GCH1: variants seen among roughly 807,000 people sequenced by gnomAD.
The protein encoded by GCH1 is GTP cyclohydrolase I.
A neutral mutation model predicts 25.9 loss-of-function variants in GCH1; 5 were observed. The ratio of observed to expected loss-of-function variants is 0.19; its 90% CI spans 0.10 to 0.41. The LOEUF is 0.41. GCH1 is among the 10% of genes least tolerant of loss of function. The probability of loss-of-function intolerance (pLI) is 1.00; values close to 1 mark genes in which losing one functional copy is unlikely to be tolerated. For synonymous variants in GCH1, 159 were observed against 129.6 expected (o/e 1.23, Z -1.54); for missense variants, 261 against 336.5 (o/e 0.78, Z 1.75).
At chr14:54,862,140 T>C (rs2039905771) in intron 2 of GCH1, among the ~76,000 whole-genome samples, 1 of 152,094 alleles carries the variant, frequency 6.6e-6, no homozygotes, top group Non-Finnish European at 1.5e-5. Flanking sequence ...GCAATCTTCC[T>C]GCCTCAGACT....
chr14:54,892,800 C>T (rs754219494), intron 1 of GCH1, among the ~76,000 whole-genome samples: 5 of 152,164 alleles, frequency 3.3e-5, no homozygotes, highest in Admixed American at 1.3e-4. Context: ...TGTTTCCGGC[C>T]GGGTGCGGTG....
intron 1 of GCH1, among the ~76,000 whole-genome samples, chr14:54,878,889 C>T (rs2040201681): frequency 6.6e-6 from 1 of 152,186 alleles, no homozygotes; most frequent in Admixed American, 6.5e-5. Context: ...TTGGCCTCCC[C>T]AGTAGCTGGG....
chr14:54,865,284 C>G (rs1016856251), intron 2 of GCH1, 43 bp downstream of exon 2: 2 of 916,364 alleles, frequency 2.2e-6, no homozygotes, highest in Admixed American at 1.8e-5. Context: ...GAAAAACTTT[C>G]ACTATGTTTT....
intron 3 of GCH1, among the ~76,000 whole-genome samples, chr14:54,853,680 T>C (rs374343674): frequency 4.4e-4 from 67 of 152,324 alleles, no homozygotes; most frequent in Middle Eastern, 3.4e-3. Context: ...AGTACTTCTA[T>C]ACTAGCCTGA....
At chr14:54,863,533 A>G (rs532128148) in intron 2 of GCH1, among the ~76,000 whole-genome samples, 1 of 150,306 alleles carries the variant, frequency 6.7e-6, no homozygotes, top group Non-Finnish European at 1.5e-5. Flanking sequence ...AGGCAACAAT[A>G]CAAAGGTCCA....
rs375570607 is a variant in GCH1 at position 54,880,810 on chromosome 14, CATAT to C, written c.344-15378_344-15375del. ...ATACTCCATATATATATATATACTC[CATAT>C]ATATATATATATACTCCATATATAT... is the stretch of plus-strand genomic sequence containing the variant. On this transcript the variant is annotated intron_variant, in intron 1 of 5. Coordinates refer to ENST00000491895, the MANE Select transcript of GCH1 (RefSeq NM_000161.3). 1.0e-3 allele frequency among the ~76,000 whole-genome samples: 46 copies of C among 44,578 alleles called. 3 individuals are homozygous for C. The highest frequency in any genetic ancestry group is 2.7e-3 in the African/African-American group (19 of 7,080). 29.2% of individuals were successfully genotyped at this position (44,578 alleles called of 152,430 possible). A position where few individuals can be genotyped will look rare whatever the true frequency, so the allele number is the denominator to read the frequency against.
chr14:54,886,765 C>T (rs1028224182), intron 1 of GCH1, among the ~76,000 whole-genome samples: 2 of 152,152 alleles, frequency 1.3e-5, no homozygotes, highest in Non-Finnish European at 2.9e-5. Flanking sequence ...GACTCCAGAC[C>T]AGAGCCTTAA....
At chr14:54,899,566 A>G (rs2040533937) in intron 1 of GCH1, among the ~76,000 whole-genome samples, 1 of 151,898 alleles carries the variant, frequency 6.6e-6, no homozygotes, top group African/African-American at 2.4e-5. Flanking sequence ...TCTCCTGAGC[A>G]ACAACTATCC....
intron 3 of GCH1, among the ~76,000 whole-genome samples, chr14:54,858,139 T>TA (rs1035122602): frequency 2.6e-5 from 4 of 151,868 alleles, no homozygotes; most frequent in Non-Finnish European, 4.4e-5. Flanking sequence ...GAGTAGTTTT[T>TA]TTTTTACAGA....
chr14:54,897,985 G>C (rs527741794), intron 1 of GCH1, among the ~76,000 whole-genome samples: 5 of 152,274 alleles, frequency 3.3e-5, no homozygotes, highest in Non-Finnish European at 5.9e-5. Context: ...TACACACCTA[G>C]GCTACACGGT....
At chr14:54,901,242 C>T (rs1324697451) in intron 1 of GCH1, among the ~76,000 whole-genome samples, 1 of 152,094 alleles carries the variant, frequency 6.6e-6, no homozygotes, top group African/African-American at 2.4e-5. Context: ...CACTGTTTTT[C>T]TTTCAAAAAA....
At chr14:54,886,029 C>T in intron 1 of GCH1, 1 of 246,258 alleles carries the variant, frequency 4.1e-6, no homozygotes, top group South Asian at 5.2e-5. Flanking sequence ...CCAGCATCAT[C>T]AAACCCTAGT....
intron 4 of GCH1, among the ~76,000 whole-genome samples, chr14:54,846,527 G>GA (rs1342847283): frequency 6.6e-6 from 1 of 152,014 alleles, no homozygotes; most frequent in Non-Finnish European, 1.5e-5. Context: ...AAAAAGCAGG[G>GA]AAAAAAGCAA....
At chr14:54,899,091 C>T (rs1018189627) in intron 1 of GCH1, among the ~76,000 whole-genome samples, 1 of 152,072 alleles carries the variant, frequency 6.6e-6, no homozygotes, top group African/African-American at 2.4e-5. Flanking sequence ...TTATAAACCA[C>T]CTTCATACAT....
intron 1 of GCH1, among the ~76,000 whole-genome samples, chr14:54,897,563 A>G (rs918187156): frequency 6.6e-6 from 1 of 152,048 alleles, no homozygotes. Context: ...TGCTGGGATT[A>G]CAGGCGTGAG....
chr14:54,859,693 C>T lies in GCH1; in HGVS notation c.497G>A (p.Ser166Asn). 1 of 1,594,844 alleles carries T rather than the reference C, an allele frequency of 6.3e-7. No individual in the cohort carries two copies. The highest frequency in any genetic ancestry group is 8.6e-7 in the Non-Finnish European group (1 of 1,162,434). Residue 166 changes from serine (S) to asparagine (N), a missense_variant, in exon 3 of 6, where the codon AGC becomes AAC. Coordinates refer to ENST00000491895, the MANE Select transcript of GCH1 (RefSeq NM_000161.3). ...YLPNKQVLGL[S>N]KLARIVEIYS... ...CAGTCACACTTACCTCGCAAGTTTG[C>T]TGAGGCCAAGGACTTGCTTGTTAGG...
chr14:54,883,760 T>C (rs776398774), intron 1 of GCH1, among the ~76,000 whole-genome samples: 2 of 152,130 alleles, frequency 1.3e-5, no homozygotes, highest in African/African-American at 4.8e-5. Flanking sequence ...GGCCAAACAG[T>C]GGGCAATTCT....
chr14:54,850,870 G>T (rs900040225), intron 3 of GCH1, among the ~76,000 whole-genome samples: 1 of 152,190 alleles, frequency 6.6e-6, no homozygotes, highest in Non-Finnish European at 1.5e-5. Context: ...TCTTAATCCA[G>T]TCTATCACTG....
intron 1 of GCH1, among the ~76,000 whole-genome samples, chr14:54,869,493 T>C (rs571395413): frequency 6.6e-6 from 1 of 152,264 alleles, no homozygotes; most frequent in African/African-American, 2.4e-5. Flanking sequence ...AAAAACTTTC[T>C]TTTTGAAACG....
Sources: gnomAD v4.1 joint callset for allele counts (sites outside exome capture counted in the v4.1 genomes callset) on GRCh38, gnomAD v4.1.1 for gene constraint, MANE v1.5 for transcripts, NCBI Gene and HGNC (gene_info 2026-07-23, HGNC 2026-07-21) for gene names.